The following NEGR1 variants were observed in gnomAD, a reference collection of about 807,000 sequenced individuals.
NEGR1 encodes the protein neuronal growth regulator 1.
In NEGR1, 10 loss-of-function variants were observed where a neutral mutation model predicts 40.9. That is an observed-to-expected ratio of 0.24 (90% CI 0.15 to 0.42). The LOEUF (loss-of-function observed/expected upper bound fraction) is 0.42. Ranked by LOEUF, NEGR1 falls within the 10% of genes least tolerant of loss-of-function variation. NEGR1 has a pLI of 1.00. For missense variants in NEGR1, 352 were observed against 438.9 expected (o/e 0.80, Z 1.77); for synonymous variants, 185 against 166.8 (o/e 1.11, Z -0.84).
chr1:71,469,788 T>C (rs568860698), intron 6 of NEGR1, among the ~76,000 whole-genome samples: 2 of 152,158 alleles, frequency 1.3e-5, no homozygotes, highest in East Asian at 3.9e-4. Flanking sequence ...ATTAAAAAGG[T>C]AGTATGTCTC....
At chr1:71,621,312 T>C (rs1650600361) in intron 4 of NEGR1, among the ~76,000 whole-genome samples, 1 of 151,782 alleles carries the variant, frequency 6.6e-6, no homozygotes, top group Non-Finnish European at 1.5e-5. Context: ...GAACAAGAAA[T>C]AAGAGGCTTG....
intron 3 of NEGR1, among the ~76,000 whole-genome samples, chr1:71,768,498 C>CTA (rs1288155702): frequency 4.6e-5 from 7 of 152,138 alleles, no homozygotes; most frequent in Non-Finnish European, 7.3e-5. Context: ...TACGCAATGC[C>CTA]TATACCCCAT....
chr1:72,049,087 CT>C (rs1304885632), intron 1 of NEGR1, among the ~76,000 whole-genome samples: 3 of 151,386 alleles, frequency 2.0e-5, no homozygotes, highest in Non-Finnish European at 4.4e-5. Flanking sequence ...ACTAGAAGGG[CT>C]GAGTCAAGAG....
chr1:72,210,008 A>T (rs143182078), intron 1 of NEGR1, among the ~76,000 whole-genome samples: 1,969 of 152,054 alleles, frequency 0.013, 44 homozygotes, highest in African/African-American at 0.045. Context: ...CTTGTATAAA[A>T]TAAAATGCGG....
chr1:72,078,988 A>G (rs1647870093), intron 1 of NEGR1, among the ~76,000 whole-genome samples: 1 of 151,184 alleles, frequency 6.6e-6, no homozygotes. Flanking sequence ...AAATCCTATT[A>G]CTGAATATAC....
intron 1 of NEGR1, among the ~76,000 whole-genome samples, chr1:72,148,360 T>C (rs1650990208): frequency 6.6e-6 from 1 of 152,080 alleles, no homozygotes; most frequent in Non-Finnish European, 1.5e-5. Flanking sequence ...CATTGGCCCC[T>C]TTCAGTGATG....
intron 1 of NEGR1, among the ~76,000 whole-genome samples, chr1:72,231,404 G>A (rs541609921): frequency 3.9e-5 from 6 of 152,240 alleles, no homozygotes; most frequent in African/African-American, 1.4e-4. Context: ...CATGATCTGG[G>A]ACAAGTAAGT....
chr1:72,121,266 T>C (rs1649795551), intron 1 of NEGR1, among the ~76,000 whole-genome samples: 1 of 152,032 alleles, frequency 6.6e-6, no homozygotes, highest in Non-Finnish European at 1.5e-5. Flanking sequence ...CTTTTTAATA[T>C]CACTGAACAT....
At chr1:72,252,383 G>A (rs1279383011) in intron 1 of NEGR1, among the ~76,000 whole-genome samples, 1 of 151,954 alleles carries the variant, frequency 6.6e-6, no homozygotes, top group Non-Finnish European at 1.5e-5. Context: ...GGGAAGTCAG[G>A]GAGTTTATTC....
At chr1:71,756,725 C>T (rs547810127) in intron 3 of NEGR1, among the ~76,000 whole-genome samples, 309 of 152,038 alleles carry the variant, frequency 2.0e-3, no homozygotes, top group African/African-American at 7.2e-3. Flanking sequence ...TACACTAATA[C>T]ATCGTCAGAA....
At chr1:71,959,628 C>G (rs767570079) in intron 1 of NEGR1, among the ~76,000 whole-genome samples, 4 of 152,082 alleles carry the variant, frequency 2.6e-5, no homozygotes, top group Non-Finnish European at 5.9e-5. Context: ...GCTTATTAAT[C>G]TTCAATTTCA....
chr1:72,150,763 T>C (rs1651096188), intron 1 of NEGR1, among the ~76,000 whole-genome samples: 1 of 152,132 alleles, frequency 6.6e-6, no homozygotes. Context: ...TTACAGTCTA[T>C]AATATGAGAT....
intron 2 of NEGR1, among the ~76,000 whole-genome samples, chr1:71,812,019 G>A (rs1658021858): frequency 6.6e-6 from 1 of 151,752 alleles, no homozygotes; most frequent in African/African-American, 2.4e-5. Flanking sequence ...AGCCCCACAT[G>A]CATTAGCTAT....
At chr1:71,788,416 C>G (rs189526345) in intron 2 of NEGR1, among the ~76,000 whole-genome samples, 1 of 151,522 alleles carries the variant, frequency 6.6e-6, no homozygotes, top group East Asian at 1.9e-4. Flanking sequence ...AATGCTATGC[C>G]TACTGCCAAG....
rs140653244 is a variant in NEGR1, at chr1:72,282,353, T to C, written c.142A>G (p.Met48Val). 3 of 1,613,952 alleles carry C rather than the reference T, an allele frequency of 1.9e-6. No homozygotes were observed. Among genetic ancestry groups the C allele is most frequent in the African/African-American group, 2.7e-5 (2 of 74,904 alleles). ...GCCGTGTCCCCTTTTCTGACCATCATGTTGTCCACGGCCGCCCAGGGGAAG... is the reference window on the plus strand; with the variant it reads ...GCCGTGTCCCCTTTTCTGACCATCACGTTGTCCACGGCCGCCCAGGGGAAG... The part of the protein sequence containing the change: ...VDFPWAAVDN[M>V]MVRKGDTAVL... The change falls in exon 1 of 7, where the codon ATG becomes GTG. Residue 48 changes from methionine (M) to valine (V), a missense_variant. This residue lies in a region of NEGR1 where 81 missense variants were observed against 85.8 expected (regional missense o/e 0.94). Transcript: ENST00000357731.
At chr1:72,093,284 C>T (rs1172369326) in intron 1 of NEGR1, among the ~76,000 whole-genome samples, 2 of 142,950 alleles carry the variant, frequency 1.4e-5, no homozygotes, top group African/African-American at 5.4e-5. Flanking sequence ...TGAGCAAAGA[C>T]TGTGCCACTG....
intron 3 of NEGR1, among the ~76,000 whole-genome samples, chr1:71,750,672 C>G (rs755197641): frequency 1.6e-4 from 25 of 152,242 alleles, no homozygotes; most frequent in East Asian, 9.7e-4. Flanking sequence ...TCAATTACCT[C>G]CCACTGGGTC....
At chr1:71,675,111 TC>T (rs1652574510) in intron 4 of NEGR1, among the ~76,000 whole-genome samples, 1 of 3,658 alleles carries the variant, frequency 2.7e-4, no homozygotes, top group Non-Finnish European at 1.4e-3. Context: ...GCATGTTTAT[TC>T]ATATATATAT....
intron 6 of NEGR1, among the ~76,000 whole-genome samples, chr1:71,570,238 AT>A (rs1360028345): frequency 5.3e-5 from 8 of 152,034 alleles, no homozygotes; most frequent in African/African-American, 1.9e-4. Flanking sequence ...TATGGCTTGG[AT>A]TTTTTTGTAC....
Sources: gnomAD v4.1 joint callset for allele counts (sites outside exome capture counted in the v4.1 genomes callset) on GRCh38, gnomAD v4.1.1 for gene constraint, gnomAD v4.1.1 regional missense constraint, MANE v1.5 for transcripts, NCBI Gene and HGNC (gene_info 2026-07-23, HGNC 2026-07-21) for gene names.